Variants in IDE observed in about 807,000 individuals in gnomAD.
The protein encoded by IDE is insulin degrading enzyme, also known as insulin-degrading enzyme.
In IDE, 58 loss-of-function variants were observed where a neutral mutation model predicts 133.2. That is an observed-to-expected ratio of 0.44 (90% confidence interval 0.35 to 0.54). IDE has a LOEUF of 0.54. Among genes scored for constraint, IDE ranks in the 20% least tolerant of loss-of-function variants. The pLI is 0.00. For synonymous variants in IDE, 396 were observed against 421.3 expected, an observed-to-expected ratio of 0.94 and a Z score of 0.73; for missense variants, 981 against 1,234.0, an observed-to-expected ratio of 0.79 and a Z score of 3.07.
chr10:92,458,995 A>T (rs762531094), intron 22 of IDE, among the ~76,000 whole-genome samples: 9 of 152,212 alleles, frequency 5.9e-5, no homozygotes, highest in Non-Finnish European at 1.3e-4. Context: ...AGGTAAAGAA[A>T]ATCACTTGTC....
intron 1 of IDE, among the ~76,000 whole-genome samples, chr10:92,556,598 A>C (rs1843021915): frequency 6.6e-6 from 1 of 152,064 alleles, no homozygotes; most frequent in Non-Finnish European, 1.5e-5. Flanking sequence ...TCTCTACTAA[A>C]ACTACAAAAA....
chr10:92,566,277 CAG>C (rs1218891436), intron 1 of IDE, among the ~76,000 whole-genome samples: 18 of 151,630 alleles, frequency 1.2e-4, no homozygotes, highest in South Asian at 4.2e-4. Context: ...ACCCAGGAAA[CAG>C]GGGAGTACTG....
At chr10:92,468,625 C>A (rs1028525345) in intron 19 of IDE, among the ~76,000 whole-genome samples, 3 of 152,018 alleles carry the variant, frequency 2.0e-5, no homozygotes, top group Admixed American at 2.0e-4. Flanking sequence ...TTCCTAATTC[C>A]CCTTCATTCA....
At chr10:92,556,126 T>C (rs907478753) in intron 1 of IDE, among the ~76,000 whole-genome samples, 16 of 131,080 alleles carry the variant, frequency 1.2e-4, no homozygotes, top group African/African-American at 4.0e-4. Context: ...TGAGCCGAGA[T>C]TGCACCACTG....
rs1461411605 is a variant in IDE, at chr10:92,465,782, GTA to G, written c.2380_2381del (p.Tyr794LeufsTer47). 1 of 1,613,534 alleles carries G rather than the reference GTA, an allele frequency of 6.2e-7. No individual in the cohort carries two copies. The highest frequency in any genetic ancestry group is 8.5e-7 in the Non-Finnish European group (1 of 1,179,580). ...AGGTGCTTTGCATGTCTGTTTGGTA[GTA>G]TATCTCGATGCCACAGTTATTGTGA... is the stretch of plus-strand genomic sequence containing the variant. ...EVHNNCGIEI[Y>X]YQTDMQSTSE... is the part of the protein sequence containing the mutation. On this transcript the variant is annotated frameshift_variant, in exon 20 of 25. Coordinates refer to ENST00000265986, the MANE Select transcript of IDE (RefSeq NM_004969.4). LOFTEE classifies it high-confidence loss of function.
chr10:92,549,256 TA>T (rs34494546), intron 1 of IDE, among the ~76,000 whole-genome samples: 79 of 146,022 alleles, frequency 5.4e-4, no homozygotes, highest in East Asian at 1.2e-3. Context: ...GACTGTGTCT[TA>T]AAAAAAAAAA....
chr10:92,541,350 A>G (rs1358102776), intron 1 of IDE: 5 of 470,676 alleles, frequency 1.1e-5, no homozygotes, highest in South Asian at 7.8e-5. Context: ...CTGATGATGA[A>G]TTCATCAACA....
At chr10:92,568,829 AT>A (rs1843666998) in intron 1 of IDE, among the ~76,000 whole-genome samples, 1 of 148,966 alleles carries the variant, frequency 6.7e-6, no homozygotes, top group African/African-American at 2.5e-5. Flanking sequence ...AAAAAAAATA[AT>A]AATAATAATA....
At chr10:92,492,542 T>C (rs188357658) in intron 11 of IDE, among the ~76,000 whole-genome samples, 18 of 152,324 alleles carry the variant, frequency 1.2e-4, no homozygotes, top group Non-Finnish European at 2.4e-4. Context: ...GCCAATTAGC[T>C]TGGGCAACTT....
chr10:92,532,263 G>A (rs1262280407), intron 3 of IDE, among the ~76,000 whole-genome samples: 1 of 141,444 alleles, frequency 7.1e-6, no homozygotes, highest in Non-Finnish European at 1.5e-5. Flanking sequence ...TGTGGCTAAT[G>A]CTCCAAAAAA....
intron 3 of IDE, 48 bp from the exon 4 acceptor site, chr10:92,531,965 CAAT>C (rs1564655245): frequency 7.7e-7 from 1 of 1,306,356 alleles, no homozygotes; most frequent in Non-Finnish European, 1.0e-6. Flanking sequence ...CATTTTAAAA[CAAT>C]AGCCTTTTAG....
chr10:92,475,130 C>A (rs1488251520), intron 16 of IDE, among the ~76,000 whole-genome samples, 169 bp from the exon 17 acceptor site: 2 of 152,182 alleles, frequency 1.3e-5, no homozygotes, highest in Non-Finnish European at 2.9e-5. Context: ...CCTCTCCGAT[C>A]TTTACATAAA....
At position 92,517,002 on chromosome 10, in the gene IDE, CATA is replaced by C. The variant is rs1167807936; in HGVS notation, c.662-1963_662-1961del. On this transcript the variant is annotated intron_variant, in intron 4 of 24. Coordinates refer to ENST00000265986, the MANE Select transcript of IDE (RefSeq NM_004969.4). ...GACTGGAAATATCCTAAGATCCTGG[CATA>C]ATAACTTTTATTATTGGTTCTACTT... 8.5e-5 allele frequency among the ~76,000 whole-genome samples: 13 copies of C among 152,314 alleles called. No individual in the cohort carries two copies. The East Asian group carries it at 1.3e-3, about 16-fold the overall frequency.
intron 2 of IDE, among the ~76,000 whole-genome samples, chr10:92,536,082 G>A (rs1237684799): frequency 6.6e-6 from 1 of 151,668 alleles, no homozygotes. Flanking sequence ...AACATTAAAT[G>A]TGTAAGAAAT....
chr10:92,519,730 C>T (rs1320571164), intron 4 of IDE, among the ~76,000 whole-genome samples: 1 of 152,200 alleles, frequency 6.6e-6, no homozygotes, highest in East Asian at 1.9e-4. Context: ...GGTTTCTTAA[C>T]CTCTCTTACG....
chr10:92,567,189 C>G (rs11187074), intron 1 of IDE, among the ~76,000 whole-genome samples: 129,124 of 152,154 alleles, frequency 0.85, 55,063 homozygotes, highest in African/African-American at 0.93. Context: ...AGCAGTGGTT[C>G]GTTCTCTTGG....
At chr10:92,459,217 C>T (rs912669015) in intron 22 of IDE, among the ~76,000 whole-genome samples, 3 of 152,150 alleles carry the variant, frequency 2.0e-5, no homozygotes, top group Non-Finnish European at 4.4e-5. Flanking sequence ...ATGGATGATA[C>T]AAAATCACCA....
chr10:92,558,373 G>T (rs1843114388), intron 1 of IDE, among the ~76,000 whole-genome samples: 1 of 152,026 alleles, frequency 6.6e-6, no homozygotes, highest in Non-Finnish European at 1.5e-5. Flanking sequence ...AATCTTAAAA[G>T]AAAACTTAAA....
chr10:92,550,795 G>GA (rs1398353272), intron 1 of IDE, among the ~76,000 whole-genome samples: 1 of 152,010 alleles, frequency 6.6e-6, no homozygotes, highest in African/African-American at 2.4e-5. Flanking sequence ...GCATGAACCT[G>GA]GAAGGCAGAG....
Sources: allele counts gnomAD v4.1 joint callset (sites outside exome capture counted in the v4.1 genomes callset), GRCh38; gene constraint gnomAD v4.1.1; transcripts MANE v1.5; gene names NCBI Gene and HGNC (gene_info 2026-07-23, HGNC 2026-07-21).